Variants in SDK1 observed in about 807,000 individuals in gnomAD.
SDK1 encodes the protein sidekick cell adhesion molecule 1.
A neutral mutation model predicts 245.5 loss-of-function variants in SDK1; 157 were observed. The ratio of observed to expected loss-of-function variants is 0.64; its 90% CI spans 0.56 to 0.73. The LOEUF (loss-of-function observed/expected upper bound fraction) is 0.73. Among genes scored for constraint, SDK1 ranks in the 30% least tolerant of loss-of-function variants. The pLI is 0.00. For synonymous variants in SDK1, 1,647 were observed against 1,278.5 expected (o/e 1.29, Z -6.15); for missense variants, 3,583 against 3,002.3 (o/e 1.19, Z -4.52).
chr7:3,928,524 C>T lies in SDK1; in HGVS notation c.848-22399C>T, dbSNP rs188908567. On this transcript the variant is annotated intron_variant, in intron 5 of 44. Transcript: ENST00000404826. ...TATGAAATTGTAGGACTGATTTTAT[C>T]TAGCTTTAATTCTACTCTGCAGTAG... Among the ~76,000 whole-genome samples the T allele has an allele frequency of 1.6e-4, 25 of 151,996 alleles. No homozygotes were observed. The East Asian group carries it at 4.8e-3, about 29-fold the overall frequency.
chr7:3,901,244 T>C (rs1489495148), intron 5 of SDK1, among the ~76,000 whole-genome samples: 1 of 152,076 alleles, frequency 6.6e-6, no homozygotes, highest in Non-Finnish European at 1.5e-5. Flanking sequence ...TGGAGTGTGG[T>C]GGCACGATCT....
chr7:3,459,614 C>G (rs1224341175), intron 1 of SDK1, among the ~76,000 whole-genome samples: 1 of 152,190 alleles, frequency 6.6e-6, no homozygotes, highest in East Asian at 1.9e-4. Context: ...TGTATTGGCT[C>G]TCTTTTTTAA....
At chr7:3,472,425 G>A (rs1025464958) in intron 1 of SDK1, among the ~76,000 whole-genome samples, 4 of 152,088 alleles carry the variant, frequency 2.6e-5, no homozygotes, top group Middle Eastern at 3.2e-3. Context: ...AGAGGTTTAC[G>A]ATCTAATTAG....
intron 5 of SDK1, among the ~76,000 whole-genome samples, chr7:3,850,751 G>T (rs929216012): frequency 6.6e-6 from 1 of 150,938 alleles, no homozygotes; most frequent in South Asian, 2.1e-4. Context: ...GCAAACTATC[G>T]CAAGAACAAA....
chr7:3,412,868 A>G (rs1482033657), intron 1 of SDK1, among the ~76,000 whole-genome samples: 1 of 152,190 alleles, frequency 6.6e-6, no homozygotes, highest in African/African-American at 2.4e-5. Context: ...TGTGCTTTCA[A>G]CCTAATGACC....
intron 40 of SDK1, among the ~76,000 whole-genome samples, chr7:4,231,726 T>C (rs1176131633): frequency 6.6e-6 from 1 of 152,222 alleles, no homozygotes; most frequent in East Asian, 1.9e-4. Flanking sequence ...CTCATTAACC[T>C]GTGACTGTAA....
At chr7:3,549,103 C>T (rs1779321532) in intron 1 of SDK1, among the ~76,000 whole-genome samples, 1 of 152,232 alleles carries the variant, frequency 6.6e-6, no homozygotes, top group Non-Finnish European at 1.5e-5. Context: ...GTAAGTGCAG[C>T]ATATTTCCAA....
intron 1 of SDK1, among the ~76,000 whole-genome samples, chr7:3,580,208 C>T (rs1780435816): frequency 6.6e-6 from 1 of 152,078 alleles, no homozygotes; most frequent in African/African-American, 2.4e-5. Context: ...ATTAAAATGG[C>T]CATAATACCC....
intron 1 of SDK1, among the ~76,000 whole-genome samples, chr7:3,411,448 G>T (rs901581873): frequency 1.3e-5 from 2 of 152,044 alleles, no homozygotes; most frequent in African/African-American, 4.8e-5. Context: ...TGAAATTTGG[G>T]GTGTAGATTT....
chr7:4,248,585 C>A (rs1562479582), intron 44 of SDK1, among the ~76,000 whole-genome samples: 1 of 151,972 alleles, frequency 6.6e-6, no homozygotes, highest in South Asian at 2.1e-4. Context: ...CATGCACACA[C>A]ATGCATACTT....
chr7:4,099,744 G>C (rs1782412692), intron 22 of SDK1, among the ~76,000 whole-genome samples: 1 of 146,948 alleles, frequency 6.8e-6, no homozygotes. Flanking sequence ...AGCAGGCACA[G>C]AGTGGGGCGT....
In SDK1 at chr7:3,913,349, A is replaced by G. The variant is rs567373360; in HGVS notation, c.848-37574A>G. On this transcript the variant is annotated intron_variant, in intron 5 of 44. Transcript: ENST00000404826. The stretch of plus-strand genomic sequence containing the variant: ...CGCTCTGTCACCCAGGCTGGAGTGC[A>G]GTGGCACGATCTCGGCTCACTGCAA... Among the ~76,000 whole-genome samples the G allele has an allele frequency of 4.7e-4, 67 of 143,432 alleles. 1 individual carries two copies. The East Asian group carries it at 9.2e-3, about 20-fold the overall frequency. The allele number at this position is 143,432 out of a possible 152,430, so 94.1% of individuals were successfully genotyped here. A position where few individuals can be genotyped will look rare whatever the true frequency, so the allele number is the denominator to read the frequency against.
intron 1 of SDK1, among the ~76,000 whole-genome samples, chr7:3,468,586 G>A (rs1402560244): frequency 2.6e-5 from 4 of 152,156 alleles, no homozygotes; most frequent in African/African-American, 9.7e-5. Context: ...GTGTTTGACT[G>A]TAGGTCATAA....
intron 4 of SDK1, among the ~76,000 whole-genome samples, chr7:3,763,012 G>A (rs996517261): frequency 6.6e-6 from 1 of 152,020 alleles, no homozygotes; most frequent in African/African-American, 2.4e-5. Context: ...AGGAATTCAA[G>A]ATAGGAGAGT....
chr7:3,608,654 A>G (rs995594965), intron 1 of SDK1, among the ~76,000 whole-genome samples: 6 of 152,224 alleles, frequency 3.9e-5, no homozygotes, highest in Admixed American at 2.0e-4. Flanking sequence ...GAAACGTGTC[A>G]ACGTTTGGAA....
chr7:3,951,864 C>T lies in SDK1; in HGVS notation c.1094C>T (p.Ala365Val), dbSNP rs539684931. The change falls in exon 7 of 45, where the codon GCG (alanine) becomes GTG (valine). Residue 365 changes from alanine (A) to valine (V), a missense_variant. Coordinates refer to ENST00000404826, the MANE Select transcript of SDK1 (RefSeq NM_152744.4). Reference sequence around the variant, plus strand: ...ACCGGGCCATACGTCTGCGAGGCGGCGCTGCCGGGGAGCGCTTTTGAACCG... The same window carrying T: ...ACCGGGCCATACGTCTGCGAGGCGGTGCTGCCGGGGAGCGCTTTTGAACCG... ...ADTGPYVCEAALPGSAFEPAR... is the reference protein window; with the variant it reads ...ADTGPYVCEAVLPGSAFEPAR... The T allele has an allele frequency of 6.6e-5, 106 of 1,613,540 alleles. No homozygotes were observed. Among genetic ancestry groups the T allele is most frequent in the Non-Finnish European group, 8.1e-5 (96 of 1,179,992 alleles).
At chr7:3,969,206 T>C in intron 10 of SDK1, 51 bp from the exon 11 acceptor site, 2 of 1,454,214 alleles carry the variant, frequency 1.4e-6, no homozygotes, top group South Asian at 3.0e-5. Flanking sequence ...TATCTTCATT[T>C]CCTTCAAGCG....
intron 17 of SDK1, among the ~76,000 whole-genome samples, chr7:4,035,578 A>G (rs576543019): frequency 1.0e-3 from 154 of 152,302 alleles, no homozygotes; most frequent in Non-Finnish European, 1.9e-3. Flanking sequence ...CAACTAAGTG[A>G]TTATGTTGAT....
intron 1 of SDK1, among the ~76,000 whole-genome samples, chr7:3,323,913 G>A (rs1355528891): frequency 6.6e-6 from 1 of 152,184 alleles, no homozygotes; most frequent in African/African-American, 2.4e-5. Flanking sequence ...CCAGTAAAAT[G>A]TCATCTTCTC....
Sources: allele counts gnomAD v4.1 joint callset (sites outside exome capture counted in the v4.1 genomes callset), GRCh38; gene constraint gnomAD v4.1.1; transcripts MANE v1.5; gene names NCBI Gene and HGNC (gene_info 2026-07-23, HGNC 2026-07-21).